Variants in VAV2 observed in about 807,000 individuals in gnomAD.
VAV2 encodes guanine nucleotide exchange factor VAV2.
Under a neutral mutation model 132.5 loss-of-function variants are expected in VAV2, and 67 were observed. That is an observed-to-expected ratio of 0.51 (90% CI 0.42 to 0.62). VAV2 has a LOEUF of 0.62. Among genes scored for constraint, VAV2 ranks in the 20% least tolerant of loss-of-function variants. VAV2 has a pLI of 0.00. For missense variants in VAV2, 938 were observed against 1,153.6 expected (o/e 0.81, Z 2.71); for synonymous variants, 492 against 443.5 (o/e 1.11, Z -1.37).
chr9:133,916,875 T>G (rs1420628947), intron 2 of VAV2, among the ~76,000 whole-genome samples: 6 of 152,182 alleles, frequency 3.9e-5, no homozygotes, highest in African/African-American at 1.4e-4. Flanking sequence ...GGCTCTGCCA[T>G]TGTCTGTGTG....
At chr9:133,767,281 T>C (rs1833469144) in intron 29 of VAV2, among the ~76,000 whole-genome samples, 1 of 152,198 alleles carries the variant, frequency 6.6e-6, no homozygotes, top group South Asian at 2.1e-4. Flanking sequence ...GAGAAAATAA[T>C]ATGCCACACA....
rs146377173 is a variant in VAV2 at position 133,878,476 on chromosome 9, A to G, written c.322-17044T>C. Among the ~76,000 whole-genome samples, 3 of 152,290 alleles carry G rather than the reference A, an allele frequency of 2.0e-5. No homozygotes were observed. In the East Asian group the frequency reaches 5.8e-4, roughly 29 times the overall value. Reference sequence around the variant, plus strand: ...GAGTCTTGGTTTCCTCAGCTGTGAGATGGGGGCAGCGGCACCCGCAAGAGT... The same window carrying G: ...GAGTCTTGGTTTCCTCAGCTGTGAGGTGGGGGCAGCGGCACCCGCAAGAGT... On this transcript the variant is annotated intron_variant, in intron 2 of 29. Transcript: ENST00000371850.
Position 133,939,151 on chromosome 9 carries a change from G to A in VAV2, c.273C>T (p.Ser91=), listed in dbSNP as rs376049141. ...AGAGGTCAAAGGGGTCAAACAGCTC[G>A]CTGTTCCTTAATCCAAATTTATCGT... ...VCHDKFGLRN[S]ELFDPFDLFD... The change falls in exon 2 of 30, where the codon AGC becomes AGT. Residue 91 remains serine (S), a synonymous_variant. Coordinates refer to ENST00000371850, the MANE Select transcript of VAV2 (RefSeq NM_001134398.2). 9.0e-5 allele frequency: 145 copies of A among 1,614,128 alleles called. No homozygotes were observed. The highest frequency in any genetic ancestry group is 1.1e-4 in the East Asian group (5 of 44,898).
At chr9:133,771,850 T>G (rs1833637431) in intron 26 of VAV2, 109 bp downstream of exon 26, 1 of 1,058,602 alleles carries the variant, frequency 9.4e-7, no homozygotes, top group Non-Finnish European at 1.4e-6. Flanking sequence ...TTGGCCACAC[T>G]GGGAAGAATC....
At chr9:133,776,747 CACAGGCGG>C in intron 23 of VAV2, among the ~76,000 whole-genome samples, 1 of 152,272 alleles carries the variant, frequency 6.6e-6, no homozygotes, top group African/African-American at 2.4e-5. Flanking sequence ...AGAGGTAGCA[CACAGGCGG>C]ACGGGACTGG....
chr9:133,896,842 C>G (rs1464640713), intron 2 of VAV2, among the ~76,000 whole-genome samples: 1 of 152,158 alleles, frequency 6.6e-6, no homozygotes, highest in African/African-American at 2.4e-5. Flanking sequence ...CGCCTGTAAT[C>G]CTAGCACTTT....
Position 133,833,444 on chromosome 9 carries a change from C to T in VAV2, c.449+828G>A, listed in dbSNP as rs542288244. 2.6e-5 allele frequency among the ~76,000 whole-genome samples: 4 copies of T among 152,320 alleles called. No homozygotes were observed. The South Asian group carries it at 8.3e-4, about 32-fold the overall frequency. ...AGAAACCGTAGTTGAGCTAAGAACA[C>T]ACAAGCTGCTGTCAAACAGCTCCAG... On this transcript the variant is annotated intron_variant, in intron 4 of 29. Transcript: ENST00000371850. This position sits in a 1 kb window ranked among gnomAD's most constrained non-coding sequence, Gnocchi z 5.6.
intron 1 of VAV2, among the ~76,000 whole-genome samples, chr9:133,955,838 G>A (rs1841755797): frequency 8.6e-6 from 1 of 116,594 alleles, no homozygotes; most frequent in Non-Finnish European, 1.7e-5. Flanking sequence ...CCACAGCTCT[G>A]GCCTCCCCCA....
intron 2 of VAV2, among the ~76,000 whole-genome samples, chr9:133,898,308 G>A (rs1356824920): frequency 2.6e-5 from 4 of 152,082 alleles, no homozygotes; most frequent in Non-Finnish European, 4.4e-5. Context: ...GACTTTTTAG[G>A]GCGGATGTGG....
At position 133,809,153 on chromosome 9, in the gene VAV2, G is replaced by A; in HGVS notation, c.568-15C>T. 5 of 1,612,492 alleles carry A rather than the reference G, an allele frequency of 3.1e-6. No homozygotes were observed. The highest frequency in any genetic ancestry group is 2.2e-5 in the South Asian group (2 of 90,946). ...ATGCCCATTTTCTAGAGGAGGGAAG[G>A]GGGAGTCAGCAGGACCCCATGGGCC... On this transcript the variant is annotated splice_polypyrimidine_tract_variant and intron_variant, in intron 6 of 29. Coordinates refer to ENST00000371850, the MANE Select transcript of VAV2 (RefSeq NM_001134398.2).
In VAV2 at chr9:133,962,511, G is replaced by A. The variant is rs68183977; in HGVS notation, c.205-23292C>T. On this transcript the variant is annotated intron_variant, in intron 1 of 29. Transcript: ENST00000371850. ...GTCTTGAGGGGCTGCTCATCCCCCA[G>A]CCCAGGGCACCTGGGCTGCTGCGGG... Among the ~76,000 whole-genome samples, 897 of 152,190 alleles carry A rather than the reference G, an allele frequency of 5.9e-3. 9 individuals are homozygous for A. Among genetic ancestry groups the A allele is most frequent in the African/African-American group, 0.016 (656 of 41,540 alleles).
intron 4 of VAV2, among the ~76,000 whole-genome samples, chr9:133,818,731 C>T (rs1835667803): frequency 6.6e-6 from 1 of 152,204 alleles, no homozygotes; most frequent in Non-Finnish European, 1.5e-5. Flanking sequence ...TTGGAAGCCA[C>T]TAATTGCAAC....
rs376680763 is a variant in VAV2, at chr9:133,845,000, C to CT, written c.381-10661dup. 6.0e-3 allele frequency among the ~76,000 whole-genome samples: 916 copies of CT among 152,294 alleles called. 4 individuals carry two copies. The highest frequency in any genetic ancestry group is 0.019 in the African/African-American group (803 of 41,560). ...CTGTCAGCTACTGGAAACACCGTTC[C>CT]TTTTTTTTACCTCTCCCTGAACACA... On this transcript the variant is annotated intron_variant, in intron 3 of 29. Coordinates refer to ENST00000371850, the MANE Select transcript of VAV2 (RefSeq NM_001134398.2).
At chr9:133,902,227 G>A (rs7044093) in intron 2 of VAV2, among the ~76,000 whole-genome samples, 11,614 of 152,202 alleles carry the variant, frequency 0.076, 806 homozygotes, top group African/African-American at 0.19. Flanking sequence ...CATCTGCGTC[G>A]GACGTGTGAG....
rs535394581 is a variant in VAV2, at chr9:133,853,262, G to T, written c.380+8112C>A. Among the ~76,000 whole-genome samples, 494 of 152,258 alleles carry T rather than the reference G, an allele frequency of 3.2e-3. 3 individuals are homozygous for T. Among genetic ancestry groups the T allele is most frequent in the African/African-American group, 0.011 (470 of 41,532 alleles). Reference sequence around the variant, plus strand: ...AGATGTGGCCTCCCTCTACCCCAGGGCCACTCATTCCTTCCCAAGTGTGGG... The same window carrying T: ...AGATGTGGCCTCCCTCTACCCCAGGTCCACTCATTCCTTCCCAAGTGTGGG... On this transcript the variant is annotated intron_variant, in intron 3 of 29. Coordinates refer to ENST00000371850, the MANE Select transcript of VAV2 (RefSeq NM_001134398.2).
At chr9:133,851,320 C>T (rs984801897) in intron 3 of VAV2, among the ~76,000 whole-genome samples, 1 of 152,198 alleles carries the variant, frequency 6.6e-6, no homozygotes, top group Non-Finnish European at 1.5e-5. Flanking sequence ...CCTCCTCCTC[C>T]TGACTCTCAG....
At chr9:133,905,450 AGAAAC>A (rs1839615299) in intron 2 of VAV2, among the ~76,000 whole-genome samples, 2 of 144,844 alleles carry the variant, frequency 1.4e-5, no homozygotes. Flanking sequence ...AAAAAAAAAA[AGAAAC>A]AAAAGAAGAA....
At chr9:133,789,136 C>T (rs866381055) in intron 14 of VAV2, 122 bp downstream of exon 14, 19 of 1,076,702 alleles carry the variant, frequency 1.8e-5, no homozygotes, top group Middle Eastern at 2.9e-4. Flanking sequence ...CACAAAGCCA[C>T]CGCCAGGCAG....
At chr9:133,947,816 G>A (rs1241709611) in intron 1 of VAV2, among the ~76,000 whole-genome samples, 1 of 151,510 alleles carries the variant, frequency 6.6e-6, no homozygotes, top group African/African-American at 2.4e-5. Context: ...GTGAGACAGA[G>A]TCTCACTGCA....
Sources: allele counts gnomAD v4.1 joint callset (sites outside exome capture counted in the v4.1 genomes callset), GRCh38; gene constraint gnomAD v4.1.1; non-coding constraint Gnocchi (gnomAD v3.1); transcripts MANE v1.5; gene names NCBI Gene and HGNC (gene_info 2026-07-23, HGNC 2026-07-21).